RYR2: variants seen among roughly 807,000 people sequenced by gnomAD.
RYR2 encodes cardiac muscle ryanodine receptor-calcium release channel.
Under a neutral mutation model 601.1 loss-of-function variants are expected in RYR2, and 227 were observed. That is an observed-to-expected ratio of 0.38 (90% confidence interval 0.34 to 0.42). The LOEUF (loss-of-function observed/expected upper bound fraction) is 0.42. Among genes scored for constraint, RYR2 ranks in the 10% least tolerant of loss-of-function variants. The pLI is 1.00. For synonymous variants in RYR2, 2,223 were observed against 2,175.1 expected, an observed-to-expected ratio of 1.02 and a Z score of -0.61; for missense variants, 4,646 against 6,156.5, an observed-to-expected ratio of 0.75 and a Z score of 8.21.
In RYR2 at chr1:237,772,043, C is replaced by G; in HGVS notation, c.11589C>G (p.Gly3863=). ...AGAATTATCTGAGAACTCAGACTGG[C>G]AATAATACAACTGTCAACATAATTA... The part of the protein sequence containing the change: ...DFQNYLRTQT[G]NNTTVNIIIS... The change falls in exon 86 of 105, where the codon GGC becomes GGG. Residue 3863 remains glycine (G), a synonymous_variant. Coordinates refer to ENST00000366574, the MANE Select transcript of RYR2 (RefSeq NM_001035.3). The G allele has an allele frequency of 1.3e-6, 2 of 1,550,266 alleles. No homozygotes were observed. The highest frequency in any genetic ancestry group is 1.8e-6 in the Non-Finnish European group (2 of 1,140,186).
chr1:237,148,713 T>C (rs1558320734), intron 1 of RYR2, among the ~76,000 whole-genome samples: 2 of 151,890 alleles, frequency 1.3e-5, no homozygotes, highest in South Asian at 2.1e-4. Context: ...TGTTTCTGGC[T>C]GTGTGGGTTT....
intron 77 of RYR2, among the ~76,000 whole-genome samples, chr1:237,731,779 G>C (rs1048383157): frequency 6.6e-6 from 1 of 151,740 alleles, no homozygotes; most frequent in Non-Finnish European, 1.5e-5. Flanking sequence ...ATTTATATAT[G>C]TTATAGCATG....
chr1:237,434,306 G>A (rs73104482), intron 12 of RYR2, among the ~76,000 whole-genome samples: 17,327 of 152,080 alleles, frequency 0.11, 1,449 homozygotes, highest in African/African-American at 0.23. Context: ...TCACCAGCCA[G>A]TCTCAAATAC....
chr1:237,722,930 A>G (rs572398420), intron 73 of RYR2, among the ~76,000 whole-genome samples, 198 bp from the exon 74 acceptor site: 15 of 152,266 alleles, frequency 9.9e-5, no homozygotes, highest in African/African-American at 3.1e-4. Context: ...TTGCAGCATT[A>G]TTAACTGTAA....
chr1:237,592,103 C>G (rs1286397365), intron 32 of RYR2, among the ~76,000 whole-genome samples: 2 of 152,202 alleles, frequency 1.3e-5, no homozygotes, highest in East Asian at 3.9e-4. Context: ...TGCTCTGTTT[C>G]TTGACAAAAT....
intron 80 of RYR2, among the ~76,000 whole-genome samples, chr1:237,753,653 T>G (rs1692712141): frequency 6.6e-6 from 1 of 152,178 alleles, no homozygotes; most frequent in African/African-American, 2.4e-5. Flanking sequence ...TTCCTCACCT[T>G]ACTGTGTAAC....
intron 1 of RYR2, among the ~76,000 whole-genome samples, chr1:237,097,976 A>T (rs1352907604): frequency 6.6e-6 from 1 of 152,214 alleles, no homozygotes; most frequent in Non-Finnish European, 1.5e-5. Flanking sequence ...TTCAAATTGC[A>T]TGTCCTTTGC....
intron 80 of RYR2, 84 bp downstream of exon 80, chr1:237,742,433 C>A: frequency 1.9e-6 from 2 of 1,026,406 alleles, no homozygotes; most frequent in Non-Finnish European, 3.0e-6. Flanking sequence ...ATGTTTCTTG[C>A]TTCATGGCTT....
intron 1 of RYR2, among the ~76,000 whole-genome samples, chr1:237,235,910 C>G (rs1292827420): frequency 4.6e-5 from 7 of 152,140 alleles, no homozygotes; most frequent in Admixed American, 2.0e-4. Context: ...GAAAACAAGC[C>G]TTCATGTTCA....
intron 80 of RYR2, among the ~76,000 whole-genome samples, chr1:237,742,551 A>G (rs1558325168): frequency 6.6e-6 from 1 of 152,248 alleles, no homozygotes; most frequent in Non-Finnish European, 1.5e-5. Flanking sequence ...GTTAAATAAT[A>G]TAATGAAGCA....
intron 24 of RYR2, among the ~76,000 whole-genome samples, chr1:237,527,038 G>A (rs1290443900): frequency 6.6e-6 from 1 of 152,060 alleles, no homozygotes; most frequent in Non-Finnish European, 1.5e-5. Context: ...ATTTTTTCCA[G>A]CACCATTTAT....
At chr1:237,699,440 T>C (rs1372721752) in intron 64 of RYR2, among the ~76,000 whole-genome samples, 1 of 152,004 alleles carries the variant, frequency 6.6e-6, no homozygotes, top group Non-Finnish European at 1.5e-5. Flanking sequence ...GATTGCATAC[T>C]AAGTGTGTAG....
intron 59 of RYR2, among the ~76,000 whole-genome samples, chr1:237,674,429 A>G (rs1409052483): frequency 6.6e-6 from 1 of 152,110 alleles, no homozygotes; most frequent in East Asian, 1.9e-4. Flanking sequence ...ATATTAAATC[A>G]GCATCCATCA....
At chr1:237,245,048 AT>A (rs929784907) in intron 1 of RYR2, among the ~76,000 whole-genome samples, 3 of 140,646 alleles carry the variant, frequency 2.1e-5, no homozygotes, top group Non-Finnish European at 4.8e-5. Flanking sequence ...TCTCTAAAAA[AT>A]AAAAAAAAAA....
Position 237,501,083 on chromosome 1 carries a change from C to G in RYR2, c.2396+180C>G, listed in dbSNP as rs76660330. Among the ~76,000 whole-genome samples the G allele has an allele frequency of 1.0e-2, 1,514 of 152,052 alleles. 28 individuals carry two copies. The highest frequency in any genetic ancestry group is 0.033 in the African/African-American group (1,348 of 41,470). On this transcript the variant is annotated intron_variant, in intron 21 of 104. Coordinates refer to ENST00000366574, the MANE Select transcript of RYR2 (RefSeq NM_001035.3). Reference sequence around the variant, plus strand: ...GTAAGCCTCACCTAAGATGGGCATCCTGCAAGGCTGAATGCTTTGTTTACG... The same window carrying G: ...GTAAGCCTCACCTAAGATGGGCATCGTGCAAGGCTGAATGCTTTGTTTACG...
intron 2 of RYR2, among the ~76,000 whole-genome samples, chr1:237,296,826 A>G (rs534213377): frequency 1.3e-5 from 2 of 152,314 alleles, no homozygotes; most frequent in South Asian, 4.1e-4. Context: ...CAAAGCAGAC[A>G]CTTTTTTGAG....
intron 4 of RYR2, among the ~76,000 whole-genome samples, chr1:237,358,129 C>T (rs1699460444): frequency 6.6e-6 from 1 of 152,186 alleles, no homozygotes; most frequent in Admixed American, 6.5e-5. Context: ...GGGGCTGGTA[C>T]TTCTCTGCCC....
chr1:237,223,497 G>T (rs1448361948), intron 1 of RYR2, among the ~76,000 whole-genome samples: 4 of 152,190 alleles, frequency 2.6e-5, no homozygotes, highest in Non-Finnish European at 5.9e-5. Context: ...TTATGACAAA[G>T]ATCTCTGACA....
At chr1:237,212,755 G>A (rs184029108) in intron 1 of RYR2, among the ~76,000 whole-genome samples, 133 of 151,378 alleles carry the variant, frequency 8.8e-4, no homozygotes, top group Non-Finnish European at 1.1e-3. Flanking sequence ...ATTTTCCTGC[G>A]TGTTAACCAT....
Sources: gnomAD v4.1 joint callset for allele counts (sites outside exome capture counted in the v4.1 genomes callset) on GRCh38, gnomAD v4.1.1 for gene constraint, MANE v1.5 for transcripts, NCBI Gene and HGNC (gene_info 2026-07-23, HGNC 2026-07-21) for gene names.